CSMD1: variants seen among roughly 807,000 people sequenced by gnomAD.
CSMD1 encodes CUB and sushi domain-containing protein 1.
A neutral mutation model predicts 417.5 loss-of-function variants in CSMD1; 213 were observed. The ratio of observed to expected loss-of-function variants is 0.51; its 90% CI spans 0.46 to 0.57. CSMD1 has a LOEUF of 0.57. Among genes scored for constraint, CSMD1 ranks in the 20% least tolerant of loss-of-function variants. The probability of loss-of-function intolerance (pLI) is 0.00; values close to 1 mark genes in which losing one functional copy is unlikely to be tolerated. For missense variants in CSMD1, 6,923 were observed against 4,529.7 expected, an observed-to-expected ratio of 1.53 and a Z score of -15.17; for synonymous variants, 2,862 against 1,736.8, an observed-to-expected ratio of 1.65 and a Z score of -16.11.
chr8:4,087,752 C>G (rs893122897), intron 3 of CSMD1, among the ~76,000 whole-genome samples: 2 of 152,180 alleles, frequency 1.3e-5, no homozygotes, highest in Non-Finnish European at 2.9e-5. Flanking sequence ...CTCCCGTTCT[C>G]TTAATCTTCT....
intron 26 of CSMD1, among the ~76,000 whole-genome samples, chr8:3,265,507 G>A (rs1801369992): frequency 6.6e-6 from 1 of 152,146 alleles, no homozygotes; most frequent in Non-Finnish European, 1.5e-5. Flanking sequence ...AACAGAAGGG[G>A]CTGGAGAAGG....
chr8:3,889,367 A>G (rs1806785564), intron 5 of CSMD1, among the ~76,000 whole-genome samples: 1 of 148,082 alleles, frequency 6.8e-6, no homozygotes. Context: ...TTTTGCTTGT[A>G]TTTTTTAAAA....
intron 17 of CSMD1, among the ~76,000 whole-genome samples, chr8:3,392,872 C>A (rs767624429): frequency 1.6e-4 from 25 of 152,226 alleles, no homozygotes; most frequent in Non-Finnish European, 3.4e-4. Flanking sequence ...GAAATAGCAA[C>A]CAGAACATCT....
intron 43 of CSMD1, among the ~76,000 whole-genome samples, chr8:3,109,355 C>G (rs144673539): frequency 2.2e-3 from 337 of 152,278 alleles, no homozygotes; most frequent in African/African-American, 7.6e-3. Flanking sequence ...GGGGCATGGC[C>G]AACCACAGAA....
At chr8:3,376,379 C>A (rs190349670) in intron 18 of CSMD1, among the ~76,000 whole-genome samples, 21 of 152,096 alleles carry the variant, frequency 1.4e-4, no homozygotes. Flanking sequence ...TTGATTATAT[C>A]TCATGGTGAC....
intron 3 of CSMD1, among the ~76,000 whole-genome samples, chr8:4,157,125 G>C (rs989125184): frequency 5.3e-5 from 8 of 152,174 alleles, no homozygotes; most frequent in African/African-American, 9.7e-5. Context: ...GAAACCCTAA[G>C]AGTGTATTTT....
rs536922165 is a variant in CSMD1 at position 3,983,968 on chromosome 8, G to A, written c.818+13935C>T. Among the ~76,000 whole-genome samples, 4 of 152,290 alleles carry A rather than the reference G, an allele frequency of 2.6e-5. No homozygotes were observed. The East Asian group carries it at 7.7e-4, about 29-fold the overall frequency. On this transcript the variant is annotated intron_variant, in intron 5 of 69. Transcript: ENST00000635120. ...TAGAGCACATTGCAGATCTGATGGG[G>A]CTGTCAATTGCAGCTCTAGAGCACA...
At chr8:4,386,119 G>A (rs1446109416) in intron 3 of CSMD1, among the ~76,000 whole-genome samples, 2 of 151,816 alleles carry the variant, frequency 1.3e-5, no homozygotes, top group Non-Finnish European at 2.9e-5. Flanking sequence ...ACTTTTACCC[G>A]GGAATTTCAA....
At chr8:3,215,074 T>A (rs899569536) in intron 29 of CSMD1, among the ~76,000 whole-genome samples, 1 of 152,214 alleles carries the variant, frequency 6.6e-6, no homozygotes, top group African/African-American at 2.4e-5. Context: ...TTTCTAACTT[T>A]TGTACATCAA....
At chr8:3,677,515 C>T (rs1799438152) in intron 7 of CSMD1, among the ~76,000 whole-genome samples, 1 of 152,140 alleles carries the variant, frequency 6.6e-6, no homozygotes, top group Admixed American at 6.6e-5. Flanking sequence ...AGGGAATGCC[C>T]AGGTGTCCCC....
chr8:3,749,366 G>A (rs1379814900), intron 6 of CSMD1, among the ~76,000 whole-genome samples: 2 of 152,096 alleles, frequency 1.3e-5, no homozygotes, highest in Non-Finnish European at 2.9e-5. Context: ...CATTTTAAAA[G>A]TGAATAGATT....
intron 3 of CSMD1, among the ~76,000 whole-genome samples, chr8:4,220,792 C>G (rs933078770): frequency 2.0e-5 from 3 of 152,164 alleles, no homozygotes; most frequent in Admixed American, 2.0e-4. Flanking sequence ...ATCCTTATAA[C>G]GCACCGAACG....
chr8:3,878,589 A>G (rs1423957034), intron 5 of CSMD1, among the ~76,000 whole-genome samples: 2 of 152,204 alleles, frequency 1.3e-5, no homozygotes, highest in Non-Finnish European at 2.9e-5. Context: ...TATTTCAAAC[A>G]TTTTTACCGA....
chr8:2,959,837 G>T (rs563804478), intron 62 of CSMD1, among the ~76,000 whole-genome samples: 1 of 152,166 alleles, frequency 6.6e-6, no homozygotes, highest in Non-Finnish European at 1.5e-5. Flanking sequence ...AACATTTGGG[G>T]AGAGCTGCAT....
chr8:3,994,608 T>C (rs1333983953), intron 5 of CSMD1, among the ~76,000 whole-genome samples: 1 of 152,200 alleles, frequency 6.6e-6, no homozygotes, highest in Non-Finnish European at 1.5e-5. Context: ...TGCATGAAAT[T>C]AGAATCCGAC....
At chr8:4,761,253 C>G (rs1435571279) in intron 1 of CSMD1, among the ~76,000 whole-genome samples, 1 of 152,024 alleles carries the variant, frequency 6.6e-6, no homozygotes, top group Non-Finnish European at 1.5e-5. Context: ...TCAAAGTGGG[C>G]TCTTCAGAAC....
chr8:3,541,929 G>T (rs985034132), intron 10 of CSMD1, among the ~76,000 whole-genome samples: 1 of 152,094 alleles, frequency 6.6e-6, no homozygotes, highest in Admixed American at 6.6e-5. Flanking sequence ...GGGCGTGGTG[G>T]CTTGTACACC....
chr8:3,268,623 A>AT (rs1475438825), intron 26 of CSMD1, among the ~76,000 whole-genome samples: 1 of 152,124 alleles, frequency 6.6e-6, no homozygotes, highest in African/African-American at 2.4e-5. Context: ...GGTGACTGGC[A>AT]TTTTTTGTGT....
intron 11 of CSMD1, among the ~76,000 whole-genome samples, chr8:3,473,486 C>T (rs1417467823): frequency 6.6e-6 from 1 of 151,822 alleles, no homozygotes; most frequent in Non-Finnish European, 1.5e-5. Context: ...AACTTTTGTT[C>T]CTCTTTCTGG....
Sources: gnomAD v4.1 joint callset for allele counts (sites outside exome capture counted in the v4.1 genomes callset) on GRCh38, gnomAD v4.1.1 for gene constraint, MANE v1.5 for transcripts, NCBI Gene and HGNC (gene_info 2026-07-23, HGNC 2026-07-21) for gene names.